RPS18: variants seen among roughly 807,000 people sequenced by gnomAD.
RPS18 encodes ribosomal protein S18.
For missense variants in RPS18, 49 were observed against 200.8 expected (o/e 0.24, Z 4.57); for synonymous variants, 64 against 70.9 (o/e 0.90, Z 0.49).
chr6:33,273,227 A>G (rs1346269652), intron 2 of RPS18, among the ~76,000 whole-genome samples: 2 of 152,254 alleles, frequency 1.3e-5, no homozygotes, highest in Admixed American at 6.5e-5. Context: ...CAGATGAGCC[A>G]TAATTGACAC....
intron 2 of RPS18, among the ~76,000 whole-genome samples, chr6:33,274,736 G>A (rs1020110599): frequency 6.6e-6 from 1 of 152,098 alleles, no homozygotes; most frequent in Non-Finnish European, 1.5e-5. Flanking sequence ...TTTGTCATTG[G>A]ATCTAGAGCC....
intron 2 of RPS18, 56 bp downstream of exon 2, chr6:33,272,782 C>T: frequency 1.1e-6 from 1 of 887,944 alleles, no homozygotes; most frequent in East Asian, 2.4e-5. Context: ...GTTGTGAAGA[C>T]ATAAGCAAAA....
intron 2 of RPS18, chr6:33,275,425 T>A: frequency 4.1e-6 from 1 of 246,284 alleles, no homozygotes; most frequent in South Asian, 4.7e-5. Context: ...TTCAAGCTAT[T>A]CTGCTGCAGC....
At position 33,276,221 on chromosome 6, in the gene RPS18, C is replaced by A. The variant is rs745633681; in HGVS notation, c.337C>A (p.Arg113=). ...CAACAAGCTCCGTGAAGACCTGGAG[C>A]GACTGAAGAAGATTCGGGCCCATAG... is the stretch of plus-strand genomic sequence containing the variant. ...LDNKLREDLE[R]LKKIRAHRGL... Residue 113 remains arginine, a synonymous_variant, in exon 5 of 6, where the codon CGA becomes AGA. Coordinates refer to ENST00000439602, the MANE Select transcript of RPS18 (RefSeq NM_022551.3). The A allele has an allele frequency of 1.9e-6, 3 of 1,613,960 alleles. No homozygotes were observed. The highest frequency in any genetic ancestry group is 2.7e-5 in the African/African-American group (2 of 74,882).
chr6:33,275,481 ACTTTT>A, intron 2 of RPS18: 1 of 319,102 alleles, frequency 3.1e-6, no homozygotes, highest in African/African-American at 2.2e-5. Flanking sequence ...ATGCTCAGCA[ACTTTT>A]CTTGTATTTT....
At chr6:33,275,695 A>T in intron 2 of RPS18, 102 bp from the exon 3 acceptor site, 1 of 810,526 alleles carries the variant, frequency 1.2e-6, no homozygotes, top group Non-Finnish European at 2.2e-6. Flanking sequence ...ATTGCAAAAT[A>T]GATTATTGCA....
chr6:33,275,316 C>A (rs1318680157), intron 2 of RPS18: 2 of 169,144 alleles, frequency 1.2e-5, no homozygotes, highest in Non-Finnish European at 2.6e-5. Flanking sequence ...TACCCCTGAA[C>A]AAAGTTACTT....
At position 33,276,279 on chromosome 6, in the gene RPS18, G is replaced by T; in HGVS notation, c.383+12G>T. On this transcript the variant is annotated intron_variant, in intron 5 of 5. Transcript: ENST00000439602. ...CGTCACTTCTGGGGGTGAGTGGGGGGTCTCATCTCCCTGCCTACCTCGACT... is the reference window on the plus strand; with the variant it reads ...CGTCACTTCTGGGGGTGAGTGGGGGTTCTCATCTCCCTGCCTACCTCGACT... The T allele has an allele frequency of 1.2e-6, 2 of 1,611,334 alleles. No individual in the cohort carries two copies. The highest frequency in any genetic ancestry group is 8.5e-7 in the Non-Finnish European group (1 of 1,177,548).
chr6:33,274,531 C>A (rs566171246), intron 2 of RPS18, among the ~76,000 whole-genome samples: 79 of 152,324 alleles, frequency 5.2e-4, no homozygotes, highest in Non-Finnish European at 1.0e-3. Flanking sequence ...GTTTTAGTTT[C>A]CTGGAGCCTA....
At chr6:33,274,817 A>G (rs1765518016) in intron 2 of RPS18, among the ~76,000 whole-genome samples, 1 of 152,154 alleles carries the variant, frequency 6.6e-6, no homozygotes, top group Admixed American at 6.6e-5. Context: ...ATAGGGCCAC[A>G]TTCTGATGTT....
At chr6:33,273,506 G>A (rs985720958) in intron 2 of RPS18, among the ~76,000 whole-genome samples, 4 of 152,146 alleles carry the variant, frequency 2.6e-5, no homozygotes, top group African/African-American at 7.2e-5. Flanking sequence ...CTTAGGCGAC[G>A]TTAGGGAATG....
In RPS18 at chr6:33,276,369, ACTCTT is replaced by A. The variant is rs773641805; in HGVS notation, c.384-16_384-12del. 2.5e-5 allele frequency: 41 copies of A among 1,612,578 alleles called. No homozygotes were observed. The highest frequency in any genetic ancestry group is 3.3e-5 in the Non-Finnish European group (39 of 1,179,232). ...TTGTTTCTGCTGTGCATGACCTGTG[ACTCTT>A]CTCTTTTTACCTGCAGCCTTCGTGT... On this transcript the variant is annotated splice_polypyrimidine_tract_variant and intron_variant, in intron 5 of 5. Coordinates refer to ENST00000439602, the MANE Select transcript of RPS18 (RefSeq NM_022551.3).
intron 2 of RPS18, among the ~76,000 whole-genome samples, chr6:33,274,011 G>A (rs1321809230): frequency 6.6e-6 from 1 of 152,214 alleles, no homozygotes; most frequent in Non-Finnish European, 1.5e-5. Flanking sequence ...AGGCCGGAGT[G>A]CAATGGTGCA....
Position 33,276,305 on chromosome 6 carries a change from C to T in RPS18, c.383+38C>T, listed in dbSNP as rs755999886. The T allele has an allele frequency of 2.5e-6, 4 of 1,604,730 alleles. No individual in the cohort carries two copies. The East Asian group carries it at 6.7e-5, about 27-fold the overall frequency. On this transcript the variant is annotated intron_variant, in intron 5 of 5. Transcript: ENST00000439602. Reference sequence around the variant, plus strand: ...TCTCATCTCCCTGCCTACCTCGACTCAGCATTCCTCCTACTCGCTCTTCTT... The same window carrying T: ...TCTCATCTCCCTGCCTACCTCGACTTAGCATTCCTCCTACTCGCTCTTCTT...
chr6:33,275,904 T>TG (rs1357290513), intron 3 of RPS18, 21 bp downstream of exon 3: 2 of 1,592,456 alleles, frequency 1.3e-6, no homozygotes, highest in Admixed American at 3.3e-5. Context: ...GGAAGGGGGC[T>TG]GGGGGTGGGG....
intron 1 of RPS18, 130 bp downstream of exon 1, chr6:33,272,252 C>T: frequency 1.9e-6 from 2 of 1,049,030 alleles, no homozygotes; most frequent in Non-Finnish European, 2.8e-6. Flanking sequence ...GATCGCGTCC[C>T]TGGAAAGGGA....
intron 2 of RPS18, 181 bp from the exon 3 acceptor site, chr6:33,275,616 G>A: frequency 1.6e-6 from 1 of 642,262 alleles, no homozygotes; most frequent in Non-Finnish European, 2.8e-6. Flanking sequence ...ACTGCGACCG[G>A]CCCAAAGTTA....
In RPS18 at chr6:33,272,736, G is replaced by A. The variant is rs767316372; in HGVS notation, c.102+10G>A. The stretch of plus-strand genomic sequence containing the variant: ...CATCACTGCCATTAAGGTAAGTGAA[G>A]TAGGGTAAGGAATAGGGAATGTAAA... On this transcript the variant is annotated intron_variant, in intron 2 of 5. Coordinates refer to ENST00000439602, the MANE Select transcript of RPS18 (RefSeq NM_022551.3). The A allele has an allele frequency of 3.8e-6, 5 of 1,315,368 alleles. No homozygotes were observed. The highest frequency in any genetic ancestry group is 3.4e-5 in the Admixed American group (2 of 59,660). 81.5% of individuals were successfully genotyped at this position (1,315,368 alleles called of 1,614,324 possible). A position where few individuals can be genotyped will look rare whatever the true frequency, so the allele number is the denominator to read the frequency against.
intron 1 of RPS18, 115 bp downstream of exon 1, chr6:33,272,237 C>A: frequency 8.5e-7 from 1 of 1,170,604 alleles, no homozygotes; most frequent in Non-Finnish European, 1.2e-6. Context: ...CTGTATGGAG[C>A]CTTGGATCGC....
Sources: allele counts gnomAD v4.1 joint callset (sites outside exome capture counted in the v4.1 genomes callset), GRCh38; gene constraint gnomAD v4.1.1; transcripts MANE v1.5; gene names NCBI Gene and HGNC (gene_info 2026-07-23, HGNC 2026-07-21).